ZC2HC1A: variants seen among roughly 807,000 people sequenced by gnomAD.
ZC2HC1A encodes zinc finger C2HC domain-containing protein 1A.
Under a neutral mutation model 40.7 loss-of-function variants are expected in ZC2HC1A, and 28 were observed. The ratio of observed to expected loss-of-function variants is 0.69; its 90% confidence interval spans 0.51 to 0.94. The LOEUF is 0.94. ZC2HC1A is among the 40% of genes least tolerant of loss of function. The pLI is 0.00. For synonymous variants in ZC2HC1A, 129 were observed against 129.2 expected (o/e 1.00, Z 0.01); for missense variants, 389 against 386.3 (o/e 1.01, Z -0.06).
intron 2 of ZC2HC1A, 130 bp from the exon 3 acceptor site, chr8:78,678,433 A>G: frequency 1.5e-6 from 1 of 669,822 alleles, no homozygotes; most frequent in Non-Finnish European, 2.6e-6. Flanking sequence ...TATCTTATTT[A>G]TTTATTATTT....
At chr8:78,670,820 G>A (rs1270181826) in intron 1 of ZC2HC1A, among the ~76,000 whole-genome samples, 3 of 152,282 alleles carry the variant, frequency 2.0e-5, no homozygotes, top group Non-Finnish European at 2.9e-5. Context: ...TGTGAAGGAT[G>A]AAGGTTGTGT....
At chr8:78,669,144 A>G (rs1449266456) in intron 1 of ZC2HC1A, among the ~76,000 whole-genome samples, 2 of 151,972 alleles carry the variant, frequency 1.3e-5, no homozygotes, top group Non-Finnish European at 2.9e-5. Flanking sequence ...CTTTATCTTT[A>G]TTAATTTATC....
chr8:78,714,623 A>C (rs1353397657), intron 7 of ZC2HC1A, among the ~76,000 whole-genome samples: 1 of 152,142 alleles, frequency 6.6e-6, no homozygotes, highest in African/African-American at 2.4e-5. Context: ...TTTGATTCTT[A>C]AAGTTTCAAA....
chr8:78,668,379 T>A (rs1210240932), intron 1 of ZC2HC1A, among the ~76,000 whole-genome samples: 1 of 152,192 alleles, frequency 6.6e-6, no homozygotes. Context: ...TTCAAAAGTT[T>A]GCTTAATGTG....
At chr8:78,707,430 G>GCTGTGACATATTGTCTGA (rs1810808488) in intron 7 of ZC2HC1A, among the ~76,000 whole-genome samples, 2 of 152,298 alleles carry the variant, frequency 1.3e-5, no homozygotes, top group African/African-American at 4.8e-5. Flanking sequence ...TCTTTGTCAT[G>GCTGTGACATATTGTCTGA]CTGTGACATA....
chr8:78,682,796 C>A (rs1809831945), intron 3 of ZC2HC1A, among the ~76,000 whole-genome samples: 1 of 152,210 alleles, frequency 6.6e-6, no homozygotes, highest in South Asian at 2.1e-4. Flanking sequence ...AGGCAAGTTT[C>A]TTCTGCCTGT....
In ZC2HC1A at chr8:78,714,375, GTTAAC is replaced by G. The variant is rs563713214; in HGVS notation, c.705-842_705-838del. The stretch of plus-strand genomic sequence containing the variant: ...ATGGAGTAAGCACTATTATATAAAT[GTTAAC>G]TTATAGTGGCAACAACAGTAGTAAT... On this transcript the variant is annotated intron_variant, in intron 7 of 8. Transcript: ENST00000263849. Among the ~76,000 whole-genome samples the G allele has an allele frequency of 3.4e-3, 514 of 152,240 alleles. 2 individuals are homozygous for G. The highest frequency in any genetic ancestry group is 8.2e-3 in the Admixed American group (125 of 15,288).
At chr8:78,693,502 A>G (rs1374516024) in intron 5 of ZC2HC1A, among the ~76,000 whole-genome samples, 1 of 152,106 alleles carries the variant, frequency 6.6e-6, no homozygotes, top group Non-Finnish European at 1.5e-5. Flanking sequence ...ACATTTTTTC[A>G]TGTGTCTTTT....
intron 1 of ZC2HC1A, among the ~76,000 whole-genome samples, chr8:78,674,201 G>C (rs1019991715): frequency 6.6e-6 from 1 of 151,980 alleles, no homozygotes; most frequent in Non-Finnish European, 1.5e-5. Context: ...TTGGTACGTG[G>C]TTTTTCTATG....
chr8:78,703,631 G>A (rs1187892665), intron 7 of ZC2HC1A, among the ~76,000 whole-genome samples: 1 of 149,596 alleles, frequency 6.7e-6, no homozygotes, highest in Admixed American at 6.7e-5. Flanking sequence ...CCATTTGCTT[G>A]GTAAATTTTT....
At chr8:78,698,600 C>T in intron 7 of ZC2HC1A, 87 bp downstream of exon 7, 4 of 993,622 alleles carry the variant, frequency 4.0e-6, no homozygotes, top group Non-Finnish European at 5.7e-6. Flanking sequence ...CTTTTTCATT[C>T]ATCTTCATTT....
At chr8:78,699,316 A>T (rs2130552587) in intron 7 of ZC2HC1A, among the ~76,000 whole-genome samples, 1 of 152,258 alleles carries the variant, frequency 6.6e-6, no homozygotes, top group East Asian at 1.9e-4. Context: ...ATATAGAGCC[A>T]TATATTTTTA....
At chr8:78,705,110 G>C (rs533533564) in intron 7 of ZC2HC1A, among the ~76,000 whole-genome samples, 3 of 152,150 alleles carry the variant, frequency 2.0e-5, no homozygotes, top group Non-Finnish European at 4.4e-5. Flanking sequence ...CATTTCAGCT[G>C]TCTCAGCCTC....
intron 7 of ZC2HC1A, among the ~76,000 whole-genome samples, chr8:78,704,163 C>A (rs976053382): frequency 6.6e-6 from 1 of 152,026 alleles, no homozygotes; most frequent in Non-Finnish European, 1.5e-5. Context: ...GAGCGGATCA[C>A]CTGAGGTCAG....
chr8:78,688,469 A>C (rs1197414821), intron 4 of ZC2HC1A, among the ~76,000 whole-genome samples: 1 of 152,186 alleles, frequency 6.6e-6, no homozygotes, highest in Non-Finnish European at 1.5e-5. Context: ...CAAAAAAGTA[A>C]ACCTGTTAAA....
intron 4 of ZC2HC1A, among the ~76,000 whole-genome samples, chr8:78,687,477 TATATA>T (rs1810026903): frequency 1.4e-5 from 2 of 145,232 alleles, no homozygotes; most frequent in African/African-American, 5.0e-5. Flanking sequence ...TATATATTTA[TATATA>T]ATTATATATG....
chr8:78,675,630 C>A, intron 1 of ZC2HC1A, 157 bp from the exon 2 acceptor site: 1 of 618,582 alleles, frequency 1.6e-6, no homozygotes, highest in Non-Finnish European at 2.7e-6. Flanking sequence ...AAGTATTATG[C>A]TCCTTTTCAT....
intron 7 of ZC2HC1A, among the ~76,000 whole-genome samples, chr8:78,700,926 G>A (rs977739868): frequency 6.6e-6 from 1 of 152,290 alleles, no homozygotes; most frequent in African/African-American, 2.4e-5. Context: ...CAGGCAGCAT[G>A]ATGCCTCCAG....
At chr8:78,680,061 T>G (rs897374334) in intron 3 of ZC2HC1A, among the ~76,000 whole-genome samples, 3 of 152,142 alleles carry the variant, frequency 2.0e-5, no homozygotes, top group African/African-American at 7.2e-5. Context: ...GCAAGTTATT[T>G]AATGTAATTA....
Sources: allele counts gnomAD v4.1 joint callset (sites outside exome capture counted in the v4.1 genomes callset), GRCh38; gene constraint gnomAD v4.1.1; transcripts MANE v1.5; gene names NCBI Gene and HGNC (gene_info 2026-07-23, HGNC 2026-07-21).